Variants in EVC2 observed in about 807,000 individuals in gnomAD.
The protein encoded by EVC2 is EvC ciliary complex subunit 2.
Under a neutral mutation model 149.3 loss-of-function variants are expected in EVC2, and 148 were observed. The ratio of observed to expected loss-of-function variants is 0.99; its 90% CI spans 0.87 to 1.14. EVC2 has a LOEUF of 1.14. Ranked by LOEUF, EVC2 falls within the 50% of genes most tolerant of loss-of-function variation. The probability of loss-of-function intolerance (pLI) is 0.00; values close to 1 mark genes in which losing one functional copy is unlikely to be tolerated. For synonymous variants in EVC2, 776 were observed against 649.9 expected (o/e 1.19, Z -2.95); for missense variants, 1,854 against 1,627.3 (o/e 1.14, Z -2.40).
chr4:5,539,588 A>C (rs1477372926), downstream of EVC2, among the ~76,000 whole-genome samples: 4 of 152,200 alleles, frequency 2.6e-5, no homozygotes, highest in African/African-American at 9.7e-5. Context: ...CAAAATAAAC[A>C]AATAGATCAA....
rs928810946 is a variant in EVC2, at chr4:5,689,336, C to T, written c.527G>A (p.Gly176Glu). The stretch of plus-strand genomic sequence containing the variant: ...GCGGGCTGTCTGTGCTTCACTCGAC[C>T]CAGACACCTAGGGCAGAAGGAGAAG... ...VIFQKCALVS[G>E]SSEAQTARIW... The change falls in exon 5 of 22, where the codon GGG becomes GAG. Residue 176 changes from glycine to glutamate, a missense_variant. Transcript: ENST00000344408. 1 of 1,613,968 alleles carries T rather than the reference C, an allele frequency of 6.2e-7. No homozygotes were observed. The highest frequency in any genetic ancestry group is 1.3e-5 in the African/African-American group (1 of 74,906).
chr4:5,636,364 G>C lies in EVC2; in HGVS notation c.1470+4150C>G, dbSNP rs569144233. 3.3e-4 allele frequency among the ~76,000 whole-genome samples: 50 copies of C among 152,212 alleles called. No homozygotes were observed. The highest frequency in any genetic ancestry group is 8.7e-4 in the African/African-American group (36 of 41,538). ...ATTACAGTCAGCTCTCTGTATCTGT[G>C]GGTTCTGCATCCATAAATATAACCA... On this transcript the variant is annotated intron_variant, in intron 10 of 21. Transcript: ENST00000344408. This position sits in a 1 kb window ranked among gnomAD's most constrained non-coding sequence, Gnocchi z 4.6.
At chr4:5,706,151 A>C (rs58983068) in intron 1 of EVC2, among the ~76,000 whole-genome samples, 11,957 of 151,612 alleles carry the variant, frequency 0.079, 612 homozygotes, top group East Asian at 0.23. Flanking sequence ...GTCTTGACTG[A>C]CCTTCCAGAC....
At chr4:5,649,531 T>G (rs1399095164) in intron 9 of EVC2, among the ~76,000 whole-genome samples, 1 of 151,780 alleles carries the variant, frequency 6.6e-6, no homozygotes, top group African/African-American at 2.4e-5. Context: ...ACATAAAAAT[T>G]AATCAAGTTC....
intron 9 of EVC2, among the ~76,000 whole-genome samples, chr4:5,661,442 A>G (rs1185457513): frequency 6.6e-6 from 1 of 152,226 alleles, no homozygotes; most frequent in Non-Finnish European, 1.5e-5. Flanking sequence ...CACATAATCA[A>G]AAATACACAG....
At chr4:5,584,382 C>T (rs557505838) in intron 17 of EVC2, among the ~76,000 whole-genome samples, 2 of 152,306 alleles carry the variant, frequency 1.3e-5, no homozygotes, top group South Asian at 2.1e-4. Context: ...ACCCATGGCA[C>T]CTGCCAAGTT....
chr4:5,666,230 A>G (rs1255572176), intron 7 of EVC2, among the ~76,000 whole-genome samples: 3 of 142,718 alleles, frequency 2.1e-5, no homozygotes, highest in East Asian at 4.2e-4. Context: ...TATAGCATAT[A>G]TATTTTGTTC....
intron 16 of EVC2, among the ~76,000 whole-genome samples, chr4:5,588,151 T>C (rs1458703878): frequency 2.0e-5 from 3 of 152,238 alleles, no homozygotes; most frequent in Non-Finnish European, 4.4e-5. Context: ...TCTTGAAAGA[T>C]ATACTTTCTG....
intron 19 of EVC2, among the ~76,000 whole-genome samples, chr4:5,573,341 A>G (rs1437851831): frequency 6.6e-6 from 1 of 152,208 alleles, no homozygotes; most frequent in Non-Finnish European, 1.5e-5. Context: ...CCTTAAAAGT[A>G]GAGACCTTTC....
chr4:5,641,515 T>A (rs1429212770), intron 9 of EVC2, among the ~76,000 whole-genome samples: 2 of 152,150 alleles, frequency 1.3e-5, no homozygotes, highest in Non-Finnish European at 2.9e-5. Flanking sequence ...GTTCGCAGAG[T>A]CACGGTGTTC....
Position 5,576,361 on chromosome 4 carries a change from C to T in EVC2, c.3151G>A (p.Val1051Met), listed in dbSNP as rs775917298. 1 of 1,614,200 alleles carries T rather than the reference C, an allele frequency of 6.2e-7. No individual in the cohort carries two copies. Among genetic ancestry groups the T allele is most frequent in the South Asian group, 1.1e-5 (1 of 91,078 alleles). The change falls in exon 18 of 22, where the codon GTG (valine) becomes ATG (methionine). Residue 1051 changes from valine (V) to methionine (M), a missense_variant. By Grantham distance (21) the Val-to-Met change is conservative. Transcript: ENST00000344408. This position sits in a 1 kb window ranked among gnomAD's most constrained non-coding sequence, Gnocchi z 4.5. ...TTCAGAATCCCGGGCCCATCGGCCA[C>T]CCACTGCTGCCAGCTCGCCAGGGCC... ...QQALASWQQW[V>M]ADGPGILNEP...
chr4:5,564,846 T>C lies in EVC2; in HGVS notation c.3659+412A>G, dbSNP rs549701539. Among the ~76,000 whole-genome samples, 196 of 152,298 alleles carry C rather than the reference T, an allele frequency of 1.3e-3. 1 individual carries two copies. The highest frequency in any genetic ancestry group is 1.3e-3 in the Non-Finnish European group (86 of 68,014). ...GGCAGTGAGGCAGCCCCAAATCTCA[T>C]GACCACTGTTTACCAGCTGTTGGCC... On this transcript the variant is annotated intron_variant, in intron 21 of 21. Coordinates refer to ENST00000344408, the MANE Select transcript of EVC2 (RefSeq NM_147127.5).
Position 5,677,370 on chromosome 4 carries a change from ACACCTCCT to A in EVC2, c.870+3882_870+3889del, listed in dbSNP as rs1720059491. Among the ~76,000 whole-genome samples, 1 of 152,132 alleles carries A rather than the reference ACACCTCCT, an allele frequency of 6.6e-6. No homozygotes were observed. The highest frequency in any genetic ancestry group is 2.1e-4 in the South Asian group (1 of 4,826). ...AACACCATAGGGCCATCCTGTGCAT[ACACCTCCT>A]CTTCCCACTCAACAGGGAGCTCCCT... On this transcript the variant is annotated intron_variant, in intron 7 of 21. Transcript: ENST00000344408. The surrounding 1 kb of genome is among the most constrained non-coding windows in gnomAD (Gnocchi z 4.3).
intron 19 of EVC2, among the ~76,000 whole-genome samples, chr4:5,570,107 A>G (rs1423066261): frequency 2.0e-5 from 3 of 151,110 alleles, no homozygotes; most frequent in African/African-American, 2.4e-5. Context: ...GTTTTAACCA[A>G]CTCTGCTGTA....
At chr4:5,626,322 G>A (rs914521575) in intron 12 of EVC2, among the ~76,000 whole-genome samples, 1 of 144,574 alleles carries the variant, frequency 6.9e-6, no homozygotes, top group African/African-American at 2.7e-5. Context: ...CAGATGAAAC[G>A]TTCTTCTTGT....
Position 5,697,702 on chromosome 4 carries a change from TAATA to T in EVC2, c.229-59_229-56del, listed in dbSNP as rs776029035. ...TGGAACACATACTTCTGAGAAGTGA[TAATA>T]AATAATCTTTGTAAATGACTCACAT... On this transcript the variant is annotated intron_variant, in intron 1 of 21. Transcript: ENST00000344408. The T allele has an allele frequency of 1.2e-5, 18 of 1,489,354 alleles. No individual in the cohort carries two copies. In the African/African-American group the frequency reaches 2.2e-4, roughly 18 times the overall value. 92.3% of individuals were successfully genotyped at this position (1,489,354 alleles called of 1,614,324 possible).
chr4:5,606,211 A>C (rs1344787688), intron 16 of EVC2, among the ~76,000 whole-genome samples: 2 of 152,028 alleles, frequency 1.3e-5, no homozygotes, highest in African/African-American at 4.8e-5. Flanking sequence ...GCTCCCACCC[A>C]CCTCTTAATA....
intron 7 of EVC2, among the ~76,000 whole-genome samples, chr4:5,669,558 T>C (rs1010559803): frequency 1.3e-5 from 2 of 152,182 alleles, no homozygotes; most frequent in Non-Finnish European, 2.9e-5. Context: ...ACATTACATA[T>C]GGGCAGCATC....
chr4:5,592,626 A>T (rs1012434378), intron 16 of EVC2, among the ~76,000 whole-genome samples: 1 of 152,234 alleles, frequency 6.6e-6, no homozygotes, highest in Admixed American at 6.5e-5. Flanking sequence ...CAGCTTCCCG[A>T]TAAGAACTCA....
Sources: gnomAD v4.1 joint callset for allele counts (sites outside exome capture counted in the v4.1 genomes callset) on GRCh38, gnomAD v4.1.1 for gene constraint, Gnocchi (gnomAD v3.1) non-coding constraint, MANE v1.5 for transcripts, NCBI Gene and HGNC (gene_info 2026-07-23, HGNC 2026-07-21) for gene names.